The following OR1L8 variants were observed in gnomAD, a reference collection of about 807,000 sequenced individuals.
The protein encoded by OR1L8 is olfactory receptor 1L8.
For synonymous variants in OR1L8, 148 were observed against 147.0 expected (o/e 1.01, Z -0.05); for missense variants, 330 against 377.4 (o/e 0.87, Z 1.04).
chr9:122,554,288 T>TAA, the OR1L8 span: 6,216 of 546,322 alleles, frequency 0.011, 90 homozygotes, highest in African/African-American at 0.062. Flanking sequence ...GTTAGGGATG[T>TAA]AAAAAAAAAA....
chr9:122,580,943 G>C (rs1265609287), intron 1 of OR1L8, among the ~76,000 whole-genome samples: 1 of 152,078 alleles, frequency 6.6e-6, no homozygotes, highest in Admixed American at 6.6e-5. Context: ...AATAAAATAA[G>C]GTCCTAGAAT....
the OR1L8 span, among the ~76,000 whole-genome samples, chr9:122,550,065 C>T: frequency 1.5e-5 from 2 of 135,008 alleles, no homozygotes; most frequent in Non-Finnish European, 3.1e-5. Context: ...TTCTTGTAGA[C>T]ATTTTTTACC....
Position 122,568,241 on chromosome 9 carries a change from G to T in OR1L8, c.237C>A (p.Val79=). 6.2e-7 allele frequency: 1 copy of T among 1,614,046 alleles called. No homozygotes were observed. The highest frequency in any genetic ancestry group is 8.5e-7 in the Non-Finnish European group (1 of 1,179,906). The part of the protein sequence containing the change: ...LTDICFTTSV[V]PKMLMNFLSE... ...ACAGGAAGTTCATCAGCATCTTGGGGACAACGCTTGTTGTAAAGCAAATAT... is the reference window on the plus strand; with the variant it reads ...ACAGGAAGTTCATCAGCATCTTGGGTACAACGCTTGTTGTAAAGCAAATAT... The change falls in exon 5 of 5, where the codon GTC becomes GTA. Residue 79 remains valine, a synonymous_variant. Coordinates refer to ENST00000641027, the MANE Select transcript of OR1L8 (RefSeq NM_001004454.2).
At chr9:122,564,975 C>T (rs1829406157), downstream of OR1L8, among the ~76,000 whole-genome samples, 1 of 152,106 alleles carries the variant, frequency 6.6e-6, no homozygotes, top group Non-Finnish European at 1.5e-5. Context: ...AGTCTGAACT[C>T]ATTGGTAGGA....
the OR1L8 span, among the ~76,000 whole-genome samples, chr9:122,547,620 AGTGTGTGTGTGTGTGT>A: frequency 1.4e-5 from 2 of 142,900 alleles, no homozygotes; most frequent in Non-Finnish European, 3.1e-5. Flanking sequence ...GTAGTAGTTC[AGTGTGTGTGTGTGTGT>A]GTGTGTGTGT....
At chr9:122,556,545 A>G in the OR1L8 span, among the ~76,000 whole-genome samples, 2 of 152,114 alleles carry the variant, frequency 1.3e-5, no homozygotes, top group African/African-American at 4.8e-5. Context: ...GAGGGAGAGC[A>G]TTAGGACAAA....
intron 4 of OR1L8, among the ~76,000 whole-genome samples, chr9:122,569,540 T>TTTTTTTTGC (rs373863890): frequency 6.6e-6 from 1 of 152,114 alleles, no homozygotes; most frequent in Non-Finnish European, 1.5e-5. Flanking sequence ...ACCTTGTGAA[T>TTTTTTTTGC]AGGCATATTA....
intron 1 of OR1L8, 24 bp downstream of exon 1, chr9:122,583,297 A>T (rs1829760467): frequency 6.6e-6 from 1 of 152,058 alleles, no homozygotes; most frequent in Admixed American, 6.6e-5. Flanking sequence ...CAAAAAAAAA[A>T]ACAGTAAAAT....
the OR1L8 span, among the ~76,000 whole-genome samples, chr9:122,558,454 T>C: frequency 1.3e-5 from 2 of 151,518 alleles, no homozygotes; most frequent in Non-Finnish European, 3.0e-5. Flanking sequence ...TGTTTAAAGG[T>C]TTGACAAATG....
chr9:122,580,368 GC>G (rs1467024561), intron 1 of OR1L8, among the ~76,000 whole-genome samples: 2 of 152,198 alleles, frequency 1.3e-5, no homozygotes, highest in Non-Finnish European at 2.9e-5. Flanking sequence ...ACACTAGAAT[GC>G]GGTCAGAATG....
chr9:122,553,833 CT>C, the OR1L8 span: 2 of 1,613,952 alleles, frequency 1.2e-6, no homozygotes, highest in Non-Finnish European at 1.7e-6. Context: ...CATGGGCTTG[CT>C]GTTCCTCACT....
chr9:122,579,319 T>A (rs1829709713), intron 1 of OR1L8, among the ~76,000 whole-genome samples: 1 of 152,132 alleles, frequency 6.6e-6, no homozygotes, highest in African/African-American at 2.4e-5. Context: ...TTAATTTGAA[T>A]ACATTGTAAT....
the OR1L8 span, among the ~76,000 whole-genome samples, chr9:122,558,872 C>T: frequency 6.6e-6 from 1 of 151,042 alleles, no homozygotes; most frequent in Non-Finnish European, 1.5e-5. Flanking sequence ...TCATTCTTTC[C>T]CTTATAATGT....
chr9:122,572,011 G>T (rs1829561938), intron 4 of OR1L8, among the ~76,000 whole-genome samples: 1 of 152,194 alleles, frequency 6.6e-6, no homozygotes. Context: ...GGAGGCCTCA[G>T]GAAACTTTTA....
chr9:122,553,596 A>G, the OR1L8 span: 1 of 1,614,102 alleles, frequency 6.2e-7, no homozygotes, highest in Admixed American at 1.7e-5. Flanking sequence ...CTATGTGGCC[A>G]TCTGCCAACC....
intron 3 of OR1L8, among the ~76,000 whole-genome samples, chr9:122,575,495 A>G (rs958931627): frequency 6.6e-6 from 1 of 152,104 alleles, no homozygotes; most frequent in Non-Finnish European, 1.5e-5. Flanking sequence ...AGAGTTGTTC[A>G]TAGTATTTCT....
rs80191263 is a variant in OR1L8 at position 122,582,523 on chromosome 9, A to G, written c.-600+798T>C. Among the ~76,000 whole-genome samples, 1,176 of 151,944 alleles carry G rather than the reference A, an allele frequency of 7.7e-3. 15 individuals carry two copies. The highest frequency in any genetic ancestry group is 0.027 in the African/African-American group (1,100 of 41,446). On this transcript the variant is annotated intron_variant, in intron 1 of 4. Coordinates refer to ENST00000641027, the MANE Select transcript of OR1L8 (RefSeq NM_001004454.2). ...TTGAGTTCGGGAGTTTGGGGCCAGC[A>G]TGGGCAACATAGCAAGATCTTATCT... is the stretch of plus-strand genomic sequence containing the variant.
intron 3 of OR1L8, among the ~76,000 whole-genome samples, chr9:122,573,462 C>T (rs1292415034): frequency 1.3e-5 from 2 of 152,090 alleles, no homozygotes; most frequent in East Asian, 1.9e-4. Flanking sequence ...AGTGGTATGT[C>T]ATTGTTGTTT....
the OR1L8 span, chr9:122,553,039 T>C: frequency 2.8e-6 from 2 of 705,104 alleles, no homozygotes; most frequent in South Asian, 3.7e-5. Flanking sequence ...GGGTATTTCC[T>C]TGCATTCCCA....
Sources: allele counts gnomAD v4.1 joint callset (sites outside exome capture counted in the v4.1 genomes callset), GRCh38; gene constraint gnomAD v4.1.1; transcripts MANE v1.5; gene names NCBI Gene and HGNC (gene_info 2026-07-23, HGNC 2026-07-21).